DLEC1: variants seen among roughly 807,000 people sequenced by gnomAD.
DLEC1 encodes the protein deleted in lung and esophageal cancer protein 1.
Under a neutral mutation model 198.1 loss-of-function variants are expected in DLEC1, and 146 were observed. The observed-to-expected ratio is 0.74, with a 90% CI of 0.64 to 0.85. DLEC1 has a LOEUF of 0.85. Among genes scored for constraint, DLEC1 ranks in the 40% least tolerant of loss-of-function variants. The pLI is 0.00. For missense variants in DLEC1, 2,233 were observed against 2,220.0 expected (o/e 1.01, Z -0.12); for synonymous variants, 897 against 866.8 (o/e 1.03, Z -0.61).
In DLEC1 at chr3:38,107,657, C is replaced by T; in HGVS notation, c.2938C>T (p.Leu980Phe). 1 of 1,614,126 alleles carries T rather than the reference C, an allele frequency of 6.2e-7. No homozygotes were observed. The highest frequency in any genetic ancestry group is 8.5e-7 in the Non-Finnish European group (1 of 1,180,008). ...GAGCAGCCAGGTGGAGGTTAGAAAT[C>T]TCTACCTGGGTGTGCCCACGAAGAC... ...LQSSQVEVRN[L>F]YLGVPTKTTI... The change falls in exon 20 of 37, where the codon CTC becomes TTC. Residue 980 changes from leucine to phenylalanine, a missense_variant. Physicochemically the swap from Leu to Phe is conservative, Grantham distance 22. Transcript: ENST00000308059.
chr3:38,056,295 G>T (rs1696370978), intron 2 of DLEC1, among the ~76,000 whole-genome samples: 1 of 151,992 alleles, frequency 6.6e-6, no homozygotes, highest in Non-Finnish European at 1.5e-5. Flanking sequence ...AAATTTAGTG[G>T]TTTTTGGTTT....
chr3:38,094,790 C>T, intron 12 of DLEC1, 89 bp from the exon 13 acceptor site: 1 of 1,470,750 alleles, frequency 6.8e-7, no homozygotes, highest in Non-Finnish European at 9.2e-7. Flanking sequence ...CTTTCCTGCT[C>T]CCTCTTGGAG....
chr3:38,046,039 T>C (rs7630718), intron 2 of DLEC1, among the ~76,000 whole-genome samples: 8,906 of 152,248 alleles, frequency 0.058, 323 homozygotes, highest in Middle Eastern at 0.12. Context: ...TGGGAATACA[T>C]GTGCCATTGT....
In DLEC1 at chr3:38,115,350, C is replaced by T. The variant is rs117878021; in HGVS notation, c.3856+297C>T. ...GGGGACAGGACAGCAGGGTTTCTGC[C>T]GAGGGGCTTCCCTCCTGATGGGTGG... On this transcript the variant is annotated intron_variant, in intron 27 of 36. Transcript: ENST00000308059. Among the ~76,000 whole-genome samples the T allele has an allele frequency of 3.9e-5, 6 of 152,266 alleles. No homozygotes were observed. The East Asian group carries it at 7.7e-4, about 20-fold the overall frequency.
chr3:38,063,698 C>G (rs1696821417), intron 5 of DLEC1, 143 bp from the exon 6 acceptor site: 4 of 591,024 alleles, frequency 6.8e-6, no homozygotes, highest in Non-Finnish European at 1.2e-5. Flanking sequence ...CAATAAGATC[C>G]AAAAACCCCC....
At chr3:38,065,024 G>A (rs1696937785) in intron 6 of DLEC1, among the ~76,000 whole-genome samples, 1 of 152,226 alleles carries the variant, frequency 6.6e-6, no homozygotes, top group Non-Finnish European at 1.5e-5. Context: ...CCGAGATCAT[G>A]CCACTGCACT....
chr3:38,052,925 G>C lies in DLEC1; in HGVS notation c.563-6817G>C, dbSNP rs548412704. Among the ~76,000 whole-genome samples the C allele has an allele frequency of 3.3e-5, 5 of 152,358 alleles. No individual in the cohort carries two copies. The South Asian group carries it at 8.3e-4, about 25-fold the overall frequency. Reference sequence around the variant, plus strand: ...CTGCCTCAGCCTGCCGAGTGCCTGAGATTGCAGGGGCGCGCCGCCACGCCT... The same window carrying C: ...CTGCCTCAGCCTGCCGAGTGCCTGACATTGCAGGGGCGCGCCGCCACGCCT... On this transcript the variant is annotated intron_variant, in intron 2 of 36. Transcript: ENST00000308059.
At chr3:38,044,504 A>C (rs1028966685) in intron 1 of DLEC1, among the ~76,000 whole-genome samples, 1 of 152,150 alleles carries the variant, frequency 6.6e-6, no homozygotes, top group Non-Finnish European at 1.5e-5. Context: ...CAGAGGTTTC[A>C]GTGAGCCAAG....
rs1021211946 is a variant in DLEC1, at chr3:38,112,800, A to G, written c.3666+439A>G. ...CTCCAGCACTCAGCATAAATGGAGT[A>G]TCTACTGTGTGTGGGTTCCTGTGTG... is the stretch of plus-strand genomic sequence containing the variant. On this transcript the variant is annotated intron_variant, in intron 25 of 36. Coordinates refer to ENST00000308059, the MANE Select transcript of DLEC1 (RefSeq NM_007335.4). This position sits in a 1 kb window ranked among gnomAD's most constrained non-coding sequence, Gnocchi z 4.8. 6.6e-6 allele frequency among the ~76,000 whole-genome samples: 1 copy of G among 152,174 alleles called. No homozygotes were observed. The highest frequency in any genetic ancestry group is 6.5e-5 in the Admixed American group (1 of 15,280).
chr3:38,053,139 A>G (rs1206761429), intron 2 of DLEC1, among the ~76,000 whole-genome samples: 1 of 152,144 alleles, frequency 6.6e-6, no homozygotes, highest in Non-Finnish European at 1.5e-5. Context: ...TCGGCTCGCT[A>G]CAACCTCCAC....
intron 19 of DLEC1, among the ~76,000 whole-genome samples, chr3:38,101,415 A>C (rs758742698): frequency 8.5e-5 from 13 of 152,082 alleles, no homozygotes; most frequent in Non-Finnish European, 1.9e-4. Flanking sequence ...ATATATATAT[A>C]TATTCATTTT....
chr3:38,120,240 A>G (rs147398077), intron 33 of DLEC1, among the ~76,000 whole-genome samples: 1 of 152,330 alleles, frequency 6.6e-6, no homozygotes, highest in East Asian at 1.9e-4. Flanking sequence ...CTCTGAGGGC[A>G]GACATGACTT....
chr3:38,123,122 C>A lies in DLEC1; in HGVS notation c.*710C>A, dbSNP rs143586524. ...TGCACATGGACACCACTCCGTATGCCCTGTGAAAACAAAACTTAATTGGCT... is the reference window on the plus strand; with the variant it reads ...TGCACATGGACACCACTCCGTATGCACTGTGAAAACAAAACTTAATTGGCT... On this transcript the variant is annotated 3_prime_UTR_variant, in exon 37 of 37. Coordinates refer to ENST00000308059, the MANE Select transcript of DLEC1 (RefSeq NM_007335.4). 2 of 1,614,008 alleles carry A rather than the reference C, an allele frequency of 1.2e-6. No individual in the cohort carries two copies. The highest frequency in any genetic ancestry group is 1.7e-6 in the Non-Finnish European group (2 of 1,180,008).
intron 6 of DLEC1, among the ~76,000 whole-genome samples, chr3:38,075,237 G>A (rs550465341): frequency 6.6e-6 from 1 of 152,262 alleles, no homozygotes; most frequent in Admixed American, 6.5e-5. Context: ...ACAGAGACTA[G>A]GGAGGGAACA....
At chr3:38,065,806 A>G (rs1696998916) in intron 6 of DLEC1, among the ~76,000 whole-genome samples, 1 of 152,220 alleles carries the variant, frequency 6.6e-6, no homozygotes. Flanking sequence ...TTTGCATCAG[A>G]ATCTAAACAT....
intron 6 of DLEC1, among the ~76,000 whole-genome samples, chr3:38,078,137 A>C (rs1697738802): frequency 6.6e-6 from 1 of 152,154 alleles, no homozygotes; most frequent in Non-Finnish European, 1.5e-5. Context: ...GTGTGTTATC[A>C]GGAATAATGT....
chr3:38,039,397 A>G lies in DLEC1; in HGVS notation c.172A>G (p.Ser58Gly), dbSNP rs1700541440. 2 of 1,614,024 alleles carry G rather than the reference A, an allele frequency of 1.2e-6. No individual in the cohort carries two copies. The highest frequency in any genetic ancestry group is 1.1e-5 in the South Asian group (1 of 91,084). Residue 58 changes from serine (S) to glycine (G), a missense_variant, in exon 1 of 37, where the codon AGC becomes GGC. Ser to Gly is a moderately conservative substitution (Grantham distance 56). Coordinates refer to ENST00000308059, the MANE Select transcript of DLEC1 (RefSeq NM_007335.4). ...SLAYSEAFHY[S>G]FAARPRRLTQ... ...CGCCTACTCTGAGGCCTTCCACTAC[A>G]GCTTCGCAGCCCGGCCCCGCCGCCT...
chr3:38,089,816 GTTT>G (rs1698651749), intron 10 of DLEC1, among the ~76,000 whole-genome samples: 1 of 149,126 alleles, frequency 6.7e-6, no homozygotes, highest in Admixed American at 6.6e-5. Flanking sequence ...TTTACTGATT[GTTT>G]GGGGGTTTGT....
chr3:38,058,112 T>C (rs1228255551), intron 2 of DLEC1, among the ~76,000 whole-genome samples: 1 of 152,178 alleles, frequency 6.6e-6, no homozygotes, highest in Non-Finnish European at 1.5e-5. Context: ...CACTGTATTA[T>C]TCTTTGTTCC....
Sources: allele counts gnomAD v4.1 joint callset (sites outside exome capture counted in the v4.1 genomes callset), GRCh38; gene constraint gnomAD v4.1.1; non-coding constraint Gnocchi (gnomAD v3.1); transcripts MANE v1.5; gene names NCBI Gene and HGNC (gene_info 2026-07-23, HGNC 2026-07-21).